AFF1: variants seen among roughly 807,000 people sequenced by gnomAD.
AFF1 encodes AF4/FMR2 family member 1.
In AFF1, 48 loss-of-function variants were observed where a neutral mutation model predicts 121.7. That is an observed-to-expected ratio of 0.39 (90% CI 0.31 to 0.50). AFF1 has a LOEUF of 0.50. AFF1 is among the 20% of genes least tolerant of loss of function. AFF1 has a pLI of 0.76. For missense variants in AFF1, 1,523 were observed against 1,511.7 expected (o/e 1.01, Z -0.12); for synonymous variants, 613 against 563.0 (o/e 1.09, Z -1.26).
At position 87,070,193 on chromosome 4, in the gene AFF1, G is replaced by A. The variant is rs181006774; in HGVS notation, c.1060-13927G>A. 9.9e-5 allele frequency among the ~76,000 whole-genome samples: 15 copies of A among 152,238 alleles called. 1 individual carries two copies. The East Asian group carries it at 2.9e-3, about 29-fold the overall frequency. On this transcript the variant is annotated intron_variant, in intron 4 of 20. Coordinates refer to ENST00000395146, the MANE Select transcript of AFF1 (RefSeq NM_001166693.3). ...TAATTTTTGTATTTTTAGTAGAAAC[G>A]GGGTTTCACCATGTTGGCGAGGCTA...
intron 2 of AFF1, among the ~76,000 whole-genome samples, chr4:86,987,927 T>G (rs1397704557): frequency 7.5e-6 from 1 of 133,064 alleles, no homozygotes; most frequent in African/African-American, 2.8e-5. Context: ...CACTTCAGCT[T>G]GGGGGACAGA....
At position 87,090,146 on chromosome 4, in the gene AFF1, A is replaced by G. The variant is rs773342661; in HGVS notation, c.1191+76A>G. Reference sequence around the variant, plus strand: ...TAAGGCATTGCTGTGAGGCAGATTGATAAAGTATTACTTGTTCAAATCTTT... The same window carrying G: ...TAAGGCATTGCTGTGAGGCAGATTGGTAAAGTATTACTTGTTCAAATCTTT... On this transcript the variant is annotated intron_variant, in intron 6 of 20. Coordinates refer to ENST00000395146, the MANE Select transcript of AFF1 (RefSeq NM_001166693.3). 4 of 1,186,168 alleles carry G rather than the reference A, an allele frequency of 3.4e-6. No homozygotes were observed. The highest frequency in any genetic ancestry group is 1.5e-5 in the African/African-American group (1 of 65,788). 73.5% of individuals were successfully genotyped at this position (1,186,168 alleles called of 1,614,324 possible). A position where few individuals can be genotyped will look rare whatever the true frequency, so the allele number is the denominator to read the frequency against.
chr4:87,010,343 G>C (rs892136891), intron 2 of AFF1, among the ~76,000 whole-genome samples: 1 of 152,180 alleles, frequency 6.6e-6, no homozygotes, highest in Non-Finnish European at 1.5e-5. Context: ...CTAGAGTTGA[G>C]AAAGGTGGTC....
chr4:86,949,938 G>A lies in AFF1; in HGVS notation c.38+1367G>A, dbSNP rs995969752. 13 of 1,614,056 alleles carry A rather than the reference G, an allele frequency of 8.1e-6. No individual in the cohort carries two copies. The African/African-American group carries it at 1.1e-4, about 13-fold the overall frequency. Reference sequence around the variant, plus strand: ...TTCCGCGTCTTGGACCCAGCGGGCCGCAGGTCCCGCAGGGCCATGTGGATG... The same window carrying A: ...TTCCGCGTCTTGGACCCAGCGGGCCACAGGTCCCGCAGGGCCATGTGGATG... On this transcript the variant is annotated intron_variant, in intron 2 of 20. Coordinates refer to ENST00000395146, the MANE Select transcript of AFF1 (RefSeq NM_001166693.3).
chr4:87,073,266 C>A lies in AFF1; in HGVS notation c.1060-10854C>A, dbSNP rs142074525. Among the ~76,000 whole-genome samples the A allele has an allele frequency of 7.5e-3, 890 of 118,170 alleles. 13 individuals are homozygous for A. The highest frequency in any genetic ancestry group is 0.03 in the African/African-American group (850 of 28,442). The allele number at this position is 118,170 out of a possible 152,430, so 77.5% of individuals were successfully genotyped here. On this transcript the variant is annotated intron_variant, in intron 4 of 20. Coordinates refer to ENST00000395146, the MANE Select transcript of AFF1 (RefSeq NM_001166693.3). ...TAGTAATTAACCTGATTGCTCATTA[C>A]CCAGCATTAAAGCCAAAAAAAAAAA...
chr4:87,024,567 T>A (rs10015369), intron 2 of AFF1, among the ~76,000 whole-genome samples: 9,883 of 151,936 alleles, frequency 0.065, 607 homozygotes, highest in African/African-American at 0.15. Flanking sequence ...AGATGTGAAA[T>A]CCCTTTTACC....
chr4:87,064,077 G>A (rs573443151), intron 4 of AFF1, among the ~76,000 whole-genome samples: 1 of 152,350 alleles, frequency 6.6e-6, no homozygotes, highest in Non-Finnish European at 1.5e-5. Context: ...AATACTTGCT[G>A]TAGTTTCAGG....
At chr4:87,116,836 G>C (rs900075028) in intron 12 of AFF1, among the ~76,000 whole-genome samples, 1 of 152,060 alleles carries the variant, frequency 6.6e-6, no homozygotes, top group East Asian at 1.9e-4. Context: ...GGTGGGGTGT[G>C]TGTGTGTGTG....
At position 87,047,362 on chromosome 4, in the gene AFF1, C is replaced by A. The variant is rs61734712; in HGVS notation, c.827C>A (p.Pro276Gln). The A allele has an allele frequency of 6.2e-6, 10 of 1,614,132 alleles. No homozygotes were observed. In the Admixed American group the frequency reaches 1.7e-4, roughly 27 times the overall value. ...GACAGTTTGGTGGCCCCTGCCCAGC[C>A]GCCTTCTCAGACATTTCCACCTCCC... The part of the protein sequence containing the change: ...PQDSLVAPAQ[P>Q]PSQTFPPPSL... The change falls in exon 4 of 21, where the codon CCG (proline) becomes CAG (glutamine). Residue 276 changes from proline (P) to glutamine (Q), a missense_variant. Transcript: ENST00000395146.
intron 1 of AFF1, among the ~76,000 whole-genome samples, chr4:86,941,092 T>G (rs78273724): frequency 0.032 from 4,893 of 151,992 alleles, 243 homozygotes; most frequent in African/African-American, 0.11. Context: ...TGACTCGGTT[T>G]CAAAACAAAA....
chr4:86,947,542 A>G (rs1178776961), intron 1 of AFF1, among the ~76,000 whole-genome samples: 1 of 152,242 alleles, frequency 6.6e-6, no homozygotes, highest in East Asian at 1.9e-4. Context: ...CTGTACTAAG[A>G]TAATTTAGTA....
chr4:87,042,027 A>G (rs1730216330), intron 2 of AFF1, among the ~76,000 whole-genome samples: 1 of 151,704 alleles, frequency 6.6e-6, no homozygotes, highest in Non-Finnish European at 1.5e-5. Context: ...AAAAAAAAAA[A>G]AGTTGCTACA....
At chr4:86,968,080 A>G (rs1044411531) in intron 2 of AFF1, among the ~76,000 whole-genome samples, 2 of 152,196 alleles carry the variant, frequency 1.3e-5, no homozygotes, top group Non-Finnish European at 2.9e-5. Context: ...CTCTTGGCCA[A>G]GGGAAGAGCA....
intron 2 of AFF1, among the ~76,000 whole-genome samples, chr4:87,004,866 A>G (rs533062745): frequency 3.9e-5 from 6 of 152,324 alleles, no homozygotes; most frequent in African/African-American, 1.4e-4. Flanking sequence ...ATATTATACC[A>G]AAACTCTGTA....
chr4:87,019,884 C>CGGCG (rs71660112), intron 2 of AFF1, among the ~76,000 whole-genome samples: 1 of 82,560 alleles, frequency 1.2e-5, no homozygotes, highest in African/African-American at 4.4e-5. Flanking sequence ...CTGAAGGGGT[C>CGGCG]GGGGGGGGGC....
intron 2 of AFF1, among the ~76,000 whole-genome samples, chr4:86,996,705 A>G (rs968203679): frequency 6.6e-6 from 1 of 150,924 alleles, no homozygotes; most frequent in Non-Finnish European, 1.5e-5. Context: ...TGTGAGAAAC[A>G]CCCAAGAATG....
chr4:87,000,810 GAAA>G (rs1280449608), intron 2 of AFF1, among the ~76,000 whole-genome samples: 1 of 151,944 alleles, frequency 6.6e-6, no homozygotes, highest in African/African-American at 2.4e-5. Context: ...ATCAGGTAAA[GAAA>G]AAAACATTGA....
At chr4:87,103,254 AC>A (rs1273400878) in intron 8 of AFF1, among the ~76,000 whole-genome samples, 1 of 152,204 alleles carries the variant, frequency 6.6e-6, no homozygotes, top group African/African-American at 2.4e-5. Flanking sequence ...CTCTGGTGAT[AC>A]AGTAAATCAG....
intron 2 of AFF1, among the ~76,000 whole-genome samples, chr4:86,954,114 A>G (rs1430321382): frequency 6.6e-6 from 1 of 152,206 alleles, no homozygotes; most frequent in Non-Finnish European, 1.5e-5. Context: ...CTTAAAAGTC[A>G]TCACTGTTCT....
Sources: gnomAD v4.1 joint callset for allele counts (sites outside exome capture counted in the v4.1 genomes callset) on GRCh38, gnomAD v4.1.1 for gene constraint, MANE v1.5 for transcripts, NCBI Gene and HGNC (gene_info 2026-07-23, HGNC 2026-07-21) for gene names.